The following ZNF469 variants were observed in gnomAD, a reference collection of about 807,000 sequenced individuals.
ZNF469 encodes zinc finger protein 469.
A neutral mutation model predicts 1.0 loss-of-function variants in ZNF469; 1 was observed. That is an observed-to-expected ratio of 1.00 (90% CI 0.35 to 4.73). The LOEUF (loss-of-function observed/expected upper bound fraction) is 4.73, where lower values mean the gene tolerates loss of function less well. Ranked by LOEUF, ZNF469 falls within the 30% of genes most tolerant of loss-of-function variation. ZNF469 has a pLI of 0.16. For synonymous variants in ZNF469, 2,703 were observed against 2,363.4 expected (o/e 1.14, Z -4.17); for missense variants, 6,100 against 5,356.3 (o/e 1.14, Z -4.33).
the ZNF469 span, among the ~76,000 whole-genome samples, chr16:88,256,240 C>T: frequency 6.6e-6 from 1 of 152,352 alleles, no homozygotes; most frequent in East Asian, 1.9e-4. Context: ...CGGGCAACCA[C>T]TCATCTTTTG....
At chr16:88,355,440 C>T in the ZNF469 span, among the ~76,000 whole-genome samples, 1 of 152,262 alleles carries the variant, frequency 6.6e-6, no homozygotes, top group Non-Finnish European at 1.5e-5. Context: ...CCATGTTCAT[C>T]TTCCCGCTGG....
the ZNF469 span, among the ~76,000 whole-genome samples, chr16:88,319,508 G>GCC: frequency 6.6e-6 from 1 of 152,114 alleles, no homozygotes; most frequent in East Asian, 1.9e-4. Flanking sequence ...CTGCTGATGC[G>GCC]CCCGGGTCCT....
At chr16:88,340,351 G>C in the ZNF469 span, among the ~76,000 whole-genome samples, 1 of 152,194 alleles carries the variant, frequency 6.6e-6, no homozygotes, top group African/African-American at 2.4e-5. Context: ...AATGGACCAG[G>C]TATCAAAGGC....
At chr16:88,155,171 G>C in the ZNF469 span, among the ~76,000 whole-genome samples, 1 of 152,302 alleles carries the variant, frequency 6.6e-6, no homozygotes, top group East Asian at 1.9e-4. Context: ...CACAGAGCCT[G>C]CAAGTCCAGA....
the ZNF469 span, among the ~76,000 whole-genome samples, chr16:88,290,158 G>A: frequency 1.5e-3 from 225 of 152,334 alleles, no homozygotes; most frequent in African/African-American, 4.9e-3. Context: ...CATGCACCGC[G>A]GCTTAGCACG....
Position 88,432,268 on chromosome 16 carries a change from G to A in ZNF469, c.4798G>A (p.Gly1600Ser), listed in dbSNP as rs748152457. 37 of 1,547,390 alleles carry A rather than the reference G, an allele frequency of 2.4e-5. No individual in the cohort carries two copies. Among genetic ancestry groups the A allele is most frequent in the South Asian group, 1.7e-4 (14 of 84,044 alleles). Residue 1600 changes from glycine (G) to serine (S), a missense_variant, in exon 3 of 3, where the codon GGC becomes AGC. Gly to Ser is a moderately conservative substitution (Grantham distance 56). Transcript: ENST00000565624. ...EAESVGRVELGTGTEPPSQRR... is the reference protein window; with the variant it reads ...EAESVGRVELSTGTEPPSQRR... ...TGAGTCGGTGGGCAGGGTGGAGCTC[G>A]GCACAGGCACAGAGCCACCCTCCCA...
rs139570567 is a variant in ZNF469, at chr16:88,406,831, T to A, written c.-191-17976T>A. 4.3e-3 allele frequency among the ~76,000 whole-genome samples: 656 copies of A among 152,288 alleles called. 4 individuals are homozygous for A. Among genetic ancestry groups the A allele is most frequent in the African/African-American group, 0.014 (602 of 41,550 alleles). Reference sequence around the variant, plus strand: ...AGTGTTTTGCTTTCTTGGTTGGGGATGACACAGGGTTGGCGCCACAGCTTC... The same window carrying A: ...AGTGTTTTGCTTTCTTGGTTGGGGAAGACACAGGGTTGGCGCCACAGCTTC... On this transcript the variant is annotated intron_variant, in intron 1 of 2. Coordinates refer to ENST00000565624, the MANE Select transcript of ZNF469 (RefSeq NM_001367624.2).
At position 88,434,971 on chromosome 16, in the gene ZNF469, G is replaced by C. The variant is rs1465409403; in HGVS notation, c.7501G>C (p.Ala2501Pro). ...CAGGAAGCACCGGCCACACCCGGGA[G>C]CCCCCGCGGAGCCGAGCCCAGCGGC... is the stretch of plus-strand genomic sequence containing the variant. ...KARKHRPHPG[A>P]PAEPSPAALP... The change falls in exon 3 of 3, where the codon GCC becomes CCC. Residue 2501 changes from alanine to proline, a missense_variant. By Grantham distance (27) the Ala-to-Pro change is conservative. Transcript: ENST00000565624. 6.5e-7 allele frequency: 1 copy of C among 1,549,960 alleles called. No homozygotes were observed. Among genetic ancestry groups the C allele is most frequent in the African/African-American group, 1.4e-5 (1 of 73,178 alleles).
At chr16:88,177,050 C>T in the ZNF469 span, among the ~76,000 whole-genome samples, 3 of 152,202 alleles carry the variant, frequency 2.0e-5, no homozygotes, top group Non-Finnish European at 4.4e-5. This position sits in a 1 kb window ranked among gnomAD's most constrained non-coding sequence, Gnocchi z 4.8. Context: ...CACCCGTGCA[C>T]GTCTCTGGTG....
chr16:88,267,705 C>T, the ZNF469 span, among the ~76,000 whole-genome samples: 4 of 150,080 alleles, frequency 2.7e-5, no homozygotes, highest in Admixed American at 1.3e-4. Flanking sequence ...GGAGGGTGCA[C>T]CTGTTGGGGG....
At chr16:88,249,417 C>CTTTTTTTT in the ZNF469 span, among the ~76,000 whole-genome samples, 1 of 92,978 alleles carries the variant, frequency 1.1e-5, no homozygotes, top group Non-Finnish European at 1.9e-5. Context: ...CTTTTTCTTT[C>CTTTTTTTT]TTTTTCTTTT....
At chr16:88,376,655 C>T in the ZNF469 span, among the ~76,000 whole-genome samples, 12 of 152,244 alleles carry the variant, frequency 7.9e-5, no homozygotes, top group Non-Finnish European at 1.3e-4. Flanking sequence ...AGGGATGCTC[C>T]GGCTGAGCGT....
At chr16:88,298,343 T>A in the ZNF469 span, among the ~76,000 whole-genome samples, 1 of 152,066 alleles carries the variant, frequency 6.6e-6, no homozygotes, top group African/African-American at 2.4e-5. Flanking sequence ...CGAGGAGCTG[T>A]GCACAAGGGA....
At chr16:88,158,278 G>C in the ZNF469 span, among the ~76,000 whole-genome samples, 2 of 151,988 alleles carry the variant, frequency 1.3e-5, no homozygotes, top group African/African-American at 4.8e-5. Context: ...CCAGGGAGTG[G>C]GGGCAGCTGT....
chr16:88,174,880 G>T, the ZNF469 span, among the ~76,000 whole-genome samples: 32 of 152,266 alleles, frequency 2.1e-4, no homozygotes, highest in South Asian at 2.3e-3. Context: ...AAAGTTATTT[G>T]CAGATTTCCA....
the ZNF469 span, among the ~76,000 whole-genome samples, chr16:88,128,929 G>C: frequency 1.3e-5 from 2 of 152,244 alleles, no homozygotes; most frequent in Admixed American, 1.3e-4. Flanking sequence ...TGGCTCACAG[G>C]AATGACCAAG....
At chr16:88,179,749 C>A in the ZNF469 span, among the ~76,000 whole-genome samples, 2 of 152,282 alleles carry the variant, frequency 1.3e-5, no homozygotes, top group African/African-American at 4.8e-5. Context: ...TGGATTATAT[C>A]TTTAAAAAGA....
the ZNF469 span, among the ~76,000 whole-genome samples, chr16:88,287,283 C>T: frequency 6.6e-6 from 1 of 152,260 alleles, no homozygotes; most frequent in African/African-American, 2.4e-5. Flanking sequence ...ACAGGAGTTT[C>T]CAGTGTTTTG....
chr16:88,381,734 T>G (rs941663298), upstream of ZNF469, among the ~76,000 whole-genome samples: 4 of 152,280 alleles, frequency 2.6e-5, no homozygotes, highest in African/African-American at 9.6e-5. Flanking sequence ...ATTCACGTTT[T>G]CGCGTCCACT....
Sources: gnomAD v4.1 joint callset for allele counts (sites outside exome capture counted in the v4.1 genomes callset) on GRCh38, gnomAD v4.1.1 for gene constraint, Gnocchi (gnomAD v3.1) non-coding constraint, MANE v1.5 for transcripts, NCBI Gene and HGNC (gene_info 2026-07-23, HGNC 2026-07-21) for gene names.